RNGTT: variants seen among roughly 807,000 people sequenced by gnomAD.
RNGTT encodes RNA guanylyltransferase and 5'-phosphatase, also known as mRNA-capping enzyme.
RNGTT carries 33 observed loss-of-function variants against 79.3 expected under a neutral mutation model. That is an observed-to-expected ratio of 0.42 (90% CI 0.32 to 0.56). The LOEUF (loss-of-function observed/expected upper bound fraction) is 0.56. RNGTT is among the 20% of genes least tolerant of loss of function. The pLI is 0.17. For missense variants in RNGTT, 497 were observed against 739.1 expected (o/e 0.67, Z 3.80); for synonymous variants, 222 against 235.9 (o/e 0.94, Z 0.54).
Position 88,764,164 on chromosome 6 carries a change from C to T in RNGTT, c.1439+5610G>A, listed in dbSNP as rs188254130. Among the ~76,000 whole-genome samples the T allele has an allele frequency of 1.9e-3, 292 of 152,338 alleles. 4 individuals carry two copies. Among genetic ancestry groups the T allele is most frequent in the African/African-American group, 6.9e-3 (286 of 41,582 alleles). ...ATTTCTTCATTACCCCAGTTCGCTG[C>T]ATGGTAGACGCTTCCTGCAGTGCTT... On this transcript the variant is annotated intron_variant, in intron 13 of 15. Transcript: ENST00000369485.
chr6:88,769,725 T>C, intron 13 of RNGTT, 49 bp downstream of exon 13: 22 of 1,143,834 alleles, frequency 1.9e-5, no homozygotes, highest in Non-Finnish European at 2.7e-5. Context: ...GGTGAAGCCT[T>C]ACACAAACAG....
At chr6:88,806,029 C>G (rs902624621) in intron 11 of RNGTT, among the ~76,000 whole-genome samples, 1 of 152,062 alleles carries the variant, frequency 6.6e-6, no homozygotes, top group African/African-American at 2.4e-5. Flanking sequence ...ACAAATGAAG[C>G]CTATTAACAA....
At chr6:88,713,386 T>A (rs1228557895) in intron 13 of RNGTT, among the ~76,000 whole-genome samples, 1 of 152,206 alleles carries the variant, frequency 6.6e-6, no homozygotes, top group African/African-American at 2.4e-5. Context: ...ATTCTTATTA[T>A]AGCAGCCCAA....
chr6:88,749,634 A>T (rs565855113), intron 13 of RNGTT, among the ~76,000 whole-genome samples: 4 of 152,168 alleles, frequency 2.6e-5, no homozygotes, highest in Non-Finnish European at 5.9e-5. Flanking sequence ...GTCAATGAGT[A>T]ACAACAATAA....
chr6:88,904,751 A>C lies in RNGTT; in HGVS notation c.648T>G (p.Ala216=). Residue 216 remains alanine, a synonymous_variant, in exon 6 of 16, where the codon GCT becomes GCG. Transcript: ENST00000369485. The part of the protein sequence containing the change: ...GKKESEPGSS[A]SFGKRRKERL... ...GTTCTTTTCTCCTTTTGCCAAAAGA[A>C]GCACTTGACCCGGGTTCTGATTCCT... 6.2e-7 allele frequency: 1 copy of C among 1,614,024 alleles called. No individual in the cohort carries two copies. The highest frequency in any genetic ancestry group is 8.5e-7 in the Non-Finnish European group (1 of 1,179,992).
intron 11 of RNGTT, among the ~76,000 whole-genome samples, chr6:88,835,725 T>A (rs201489619): frequency 2.6e-5 from 4 of 152,140 alleles, no homozygotes; most frequent in Non-Finnish European, 5.9e-5. Context: ...TTCCAAAACA[T>A]CTACTAAAAT....
Position 88,938,153 on chromosome 6 carries a change from C to T in RNGTT, c.174+2918G>A, listed in dbSNP as rs150120514. Among the ~76,000 whole-genome samples, 348 of 152,210 alleles carry T rather than the reference C, an allele frequency of 2.3e-3. 3 individuals carry two copies. The highest frequency in any genetic ancestry group is 8.1e-3 in the African/African-American group (338 of 41,538). ...GCTGAAGTCTCCAACTACTATTATA[C>T]GGGAGACTGTATCTCCATTTAGATA... On this transcript the variant is annotated intron_variant, in intron 2 of 15. Coordinates refer to ENST00000369485, the MANE Select transcript of RNGTT (RefSeq NM_003800.5).
chr6:88,665,852 G>A (rs1203356642), intron 14 of RNGTT, among the ~76,000 whole-genome samples: 1 of 152,228 alleles, frequency 6.6e-6, no homozygotes. Flanking sequence ...TGCGTCAAAG[G>A]AACAGACGCC....
chr6:88,665,779 C>G (rs951351445), intron 14 of RNGTT, among the ~76,000 whole-genome samples: 1 of 152,180 alleles, frequency 6.6e-6, no homozygotes, highest in East Asian at 1.9e-4. Flanking sequence ...TGCCAGAGAC[C>G]TAGGCTGCGT....
At chr6:88,670,885 G>A (rs1472734845) in intron 14 of RNGTT, among the ~76,000 whole-genome samples, 2 of 152,166 alleles carry the variant, frequency 1.3e-5, no homozygotes, top group African/African-American at 2.4e-5. Context: ...GCTCCCAGCT[G>A]ATTAAAGCCT....
intron 14 of RNGTT, among the ~76,000 whole-genome samples, chr6:88,621,213 A>G (rs577477984): frequency 2.0e-5 from 3 of 152,328 alleles, no homozygotes; most frequent in African/African-American, 7.2e-5. Context: ...GTGGAAATCA[A>G]CCAGAGTATG....
chr6:88,822,977 G>A (rs1462426789), intron 11 of RNGTT, among the ~76,000 whole-genome samples: 1 of 152,176 alleles, frequency 6.6e-6, no homozygotes, highest in African/African-American at 2.4e-5. Context: ...CTAAGCCACA[G>A]GCTCTCAGAA....
At chr6:88,664,769 T>C (rs138695429) in intron 14 of RNGTT, among the ~76,000 whole-genome samples, 31 of 152,282 alleles carry the variant, frequency 2.0e-4, no homozygotes, top group African/African-American at 6.7e-4. Flanking sequence ...TGAGGGGTTA[T>C]TGGACCGAAG....
At chr6:88,929,892 A>G (rs978710749) in intron 2 of RNGTT, among the ~76,000 whole-genome samples, 21 of 151,060 alleles carry the variant, frequency 1.4e-4, no homozygotes, top group Non-Finnish European at 3.1e-4. Context: ...ACACATATAT[A>G]CATATGTATA....
intron 11 of RNGTT, among the ~76,000 whole-genome samples, chr6:88,823,341 C>T (rs1029069378): frequency 6.6e-6 from 1 of 151,784 alleles, no homozygotes; most frequent in African/African-American, 2.4e-5. Context: ...GAGGCTGAGA[C>T]AGGAGAATCT....
At chr6:88,650,602 GA>G (rs1285760100) in intron 14 of RNGTT, among the ~76,000 whole-genome samples, 4 of 151,678 alleles carry the variant, frequency 2.6e-5, no homozygotes, top group Admixed American at 6.6e-5. Context: ...AAACCTACTT[GA>G]AAAAAAATCG....
At chr6:88,788,366 G>A (rs1779298191) in intron 12 of RNGTT, among the ~76,000 whole-genome samples, 1 of 151,988 alleles carries the variant, frequency 6.6e-6, no homozygotes. Flanking sequence ...AAGACTAGGA[G>A]GAATCAGGAG....
At position 88,672,256 on chromosome 6, in the gene RNGTT, T is replaced by TAC. The variant is rs558697583; in HGVS notation, c.1506+6095_1506+6096dup. On this transcript the variant is annotated intron_variant, in intron 14 of 15. Coordinates refer to ENST00000369485, the MANE Select transcript of RNGTT (RefSeq NM_003800.5). ...ATATATATACACACACACACATATA[T>TAC]ACACACACATATATATAAATGTATA... Among the ~76,000 whole-genome samples, 25 of 143,418 alleles carry TAC rather than the reference T, an allele frequency of 1.7e-4. No homozygotes were observed. The South Asian group carries it at 4.8e-3, about 28-fold the overall frequency. The allele number at this position is 143,418 out of a possible 152,430, so 94.1% of individuals were successfully genotyped here.
intron 2 of RNGTT, 40 bp downstream of exon 2, chr6:88,941,031 G>A: frequency 8.3e-7 from 1 of 1,208,814 alleles, no homozygotes; most frequent in Middle Eastern, 1.9e-4. Flanking sequence ...ACTGAACAAA[G>A]TATATTAAAT....
Sources: allele counts gnomAD v4.1 joint callset (sites outside exome capture counted in the v4.1 genomes callset), GRCh38; gene constraint gnomAD v4.1.1; transcripts MANE v1.5; gene names NCBI Gene and HGNC (gene_info 2026-07-23, HGNC 2026-07-21).